Variants in PABPC4L observed in about 807,000 individuals in gnomAD.
PABPC4L encodes polyadenylate-binding protein 4-like.
For synonymous variants in PABPC4L, 169 were observed against 164.1 expected, an observed-to-expected ratio of 1.03 and a Z score of -0.23; for missense variants, 452 against 451.4, an observed-to-expected ratio of 1.00 and a Z score of -0.01.
the PABPC4L span, among the ~76,000 whole-genome samples, chr4:134,028,563 T>C: frequency 2.8e-4 from 43 of 152,068 alleles, 1 homozygote; most frequent in Non-Finnish European, 5.0e-4. Context: ...AATAGGCCTT[T>C]AGTGCACTAT....
At chr4:133,973,531 T>C in the PABPC4L span, among the ~76,000 whole-genome samples, 10 of 152,174 alleles carry the variant, frequency 6.6e-5, no homozygotes, top group African/African-American at 2.4e-4. Flanking sequence ...CCCTTCTCCA[T>C]GGCTTTGCAT....
At chr4:134,065,349 T>G in the PABPC4L span, among the ~76,000 whole-genome samples, 3 of 152,030 alleles carry the variant, frequency 2.0e-5, no homozygotes, top group Non-Finnish European at 2.9e-5. Context: ...ATATTAGTGA[T>G]GTTGAGCATT....
the PABPC4L span, among the ~76,000 whole-genome samples, chr4:134,060,136 G>A: frequency 6.6e-6 from 1 of 152,188 alleles, no homozygotes; most frequent in African/African-American, 2.4e-5. Context: ...CACCCATGGA[G>A]ATAGCATTTA....
At chr4:134,012,489 G>C in the PABPC4L span, among the ~76,000 whole-genome samples, 1 of 152,132 alleles carries the variant, frequency 6.6e-6, no homozygotes, top group Non-Finnish European at 1.5e-5. Flanking sequence ...CCCAAGTCCT[G>C]TAAAACGGTC....
chr4:134,175,887 A>T, the PABPC4L span, among the ~76,000 whole-genome samples: 1 of 152,192 alleles, frequency 6.6e-6, no homozygotes. Flanking sequence ...GAAGAAAAAA[A>T]ATTGAATAGA....
the PABPC4L span, among the ~76,000 whole-genome samples, chr4:134,012,639 G>C: frequency 2.0e-5 from 3 of 152,146 alleles, no homozygotes; most frequent in Non-Finnish European, 4.4e-5. Context: ...GCTGTGACTT[G>C]GATCGGGGGA....
the PABPC4L span, among the ~76,000 whole-genome samples, chr4:134,113,886 A>C: frequency 1.1e-4 from 16 of 150,926 alleles, 1 homozygote; most frequent in South Asian, 3.1e-3. Flanking sequence ...GTGTAGAGAG[A>C]AGAGGGTGGC....
the PABPC4L span, among the ~76,000 whole-genome samples, chr4:133,993,804 C>G: frequency 6.6e-6 from 1 of 152,116 alleles, no homozygotes; most frequent in Non-Finnish European, 1.5e-5. Context: ...GCCAGTGGAC[C>G]AGGCAGTGAG....
At chr4:133,989,380 C>T in the PABPC4L span, among the ~76,000 whole-genome samples, 20 of 152,132 alleles carry the variant, frequency 1.3e-4, no homozygotes, top group African/African-American at 4.6e-4. Context: ...TAATCTGCCT[C>T]AAGTTCAAAG....
the PABPC4L span, among the ~76,000 whole-genome samples, chr4:134,169,549 C>G: frequency 6.6e-6 from 1 of 151,890 alleles, no homozygotes; most frequent in Non-Finnish European, 1.5e-5. Flanking sequence ...AACCTCAAGA[C>G]TCCATCAAAA....
chr4:134,116,867 C>G, the PABPC4L span, among the ~76,000 whole-genome samples: 64 of 151,728 alleles, frequency 4.2e-4, no homozygotes, highest in African/African-American at 1.5e-3. Context: ...ATTTGGCAAT[C>G]AAAATCCTAA....
At chr4:134,103,976 C>T in the PABPC4L span, among the ~76,000 whole-genome samples, 1 of 151,700 alleles carries the variant, frequency 6.6e-6, no homozygotes, top group African/African-American at 2.4e-5. Flanking sequence ...TCACCTATAG[C>T]ATTCATTTGC....
chr4:134,134,873 A>T, the PABPC4L span, among the ~76,000 whole-genome samples: 1 of 151,910 alleles, frequency 6.6e-6, no homozygotes, highest in South Asian at 2.1e-4. Context: ...GAATAAATTT[A>T]CTGAGAACCC....
the PABPC4L span, among the ~76,000 whole-genome samples, chr4:134,008,215 G>A: frequency 1.3e-5 from 2 of 151,686 alleles, no homozygotes; most frequent in African/African-American, 4.8e-5. Flanking sequence ...ATATACAGTG[G>A]CATAAACCAT....
the PABPC4L span, among the ~76,000 whole-genome samples, chr4:134,085,476 C>T: frequency 1.3e-5 from 2 of 152,036 alleles, no homozygotes; most frequent in African/African-American, 4.8e-5. Context: ...GTCACAAATC[C>T]TAAGTGCACA....
At chr4:134,035,507 A>T in the PABPC4L span, among the ~76,000 whole-genome samples, 1 of 152,038 alleles carries the variant, frequency 6.6e-6, no homozygotes, top group South Asian at 2.1e-4. Flanking sequence ...AGTTTCCATT[A>T]CAAATTTGTG....
the PABPC4L span, among the ~76,000 whole-genome samples, chr4:134,145,587 T>A: frequency 2.0e-5 from 3 of 151,774 alleles, no homozygotes; most frequent in African/African-American, 7.3e-5. Context: ...AAATGGGACC[T>A]AAGAGGGGAG....
At chr4:134,007,958 G>A in the PABPC4L span, among the ~76,000 whole-genome samples, 5 of 151,706 alleles carry the variant, frequency 3.3e-5, no homozygotes, top group South Asian at 8.3e-4. Context: ...AACTTTGACA[G>A]CAATAATCAT....
the PABPC4L span, among the ~76,000 whole-genome samples, chr4:133,954,149 C>G: frequency 6.6e-6 from 1 of 152,292 alleles, no homozygotes; most frequent in South Asian, 2.1e-4. Flanking sequence ...GGGTTTAATT[C>G]CCTTAAGGGC....
Sources: allele counts gnomAD v4.1 joint callset (sites outside exome capture counted in the v4.1 genomes callset), GRCh38; gene constraint gnomAD v4.1.1; transcripts MANE v1.5; gene names NCBI Gene and HGNC (gene_info 2026-07-23, HGNC 2026-07-21).